CSMD1: variants seen among roughly 807,000 people sequenced by gnomAD.
CSMD1 encodes CUB and Sushi multiple domains 1.
CSMD1 carries 213 observed loss-of-function variants against 417.5 expected under a neutral mutation model. That is an observed-to-expected ratio of 0.51 (90% CI 0.46 to 0.57). The LOEUF is 0.57. CSMD1 is among the 20% of genes least tolerant of loss of function. CSMD1 has a pLI of 0.00. For synonymous variants in CSMD1, 2,862 were observed against 1,736.8 expected (o/e 1.65, Z -16.11); for missense variants, 6,923 against 4,529.7 (o/e 1.53, Z -15.17).
chr8:3,534,999 G>C (rs1162532954), intron 10 of CSMD1, among the ~76,000 whole-genome samples: 1 of 152,186 alleles, frequency 6.6e-6, no homozygotes, highest in Non-Finnish European at 1.5e-5. Context: ...CCAGGCTGGA[G>C]TGCAGTGGTG....
chr8:3,248,009 C>G (rs1341795904), intron 26 of CSMD1, among the ~76,000 whole-genome samples: 1 of 152,112 alleles, frequency 6.6e-6, no homozygotes, highest in Non-Finnish European at 1.5e-5. Context: ...TCAACATCAT[C>G]AAACCACACA....
At chr8:3,406,246 A>G in intron 14 of CSMD1, 25 bp from the exon 15 acceptor site, 3 of 1,540,974 alleles carry the variant, frequency 1.9e-6, no homozygotes, top group Non-Finnish European at 2.6e-6. Flanking sequence ...AGAAGAAAAA[A>G]GGAATAAAAA....
intron 6 of CSMD1, among the ~76,000 whole-genome samples, chr8:3,722,307 C>T (rs771284607): frequency 2.2e-4 from 33 of 152,084 alleles, no homozygotes; most frequent in African/African-American, 6.5e-4. Context: ...GACTCCATCT[C>T]AAATAAATAA....
intron 3 of CSMD1, among the ~76,000 whole-genome samples, chr8:4,120,233 C>A (rs1443094055): frequency 6.6e-6 from 1 of 152,060 alleles, no homozygotes; most frequent in Admixed American, 6.6e-5. Flanking sequence ...TGGCTGACAG[C>A]CATGACTCCT....
chr8:3,338,905 T>C (rs1388260354), intron 23 of CSMD1, among the ~76,000 whole-genome samples: 3 of 151,564 alleles, frequency 2.0e-5, no homozygotes, highest in Non-Finnish European at 2.9e-5. Flanking sequence ...TACATATGTA[T>C]ACATGTGCCA....
intron 1 of CSMD1, among the ~76,000 whole-genome samples, chr8:4,893,681 G>C (rs188809199): frequency 6.6e-6 from 1 of 152,160 alleles, no homozygotes; most frequent in East Asian, 1.9e-4. Context: ...GGTTCAAACT[G>C]TCACCTGTAC....
At chr8:3,368,478 A>G (rs1445110238) in intron 19 of CSMD1, among the ~76,000 whole-genome samples, 1 of 152,126 alleles carries the variant, frequency 6.6e-6, no homozygotes, top group Non-Finnish European at 1.5e-5. Flanking sequence ...CTGCGATTAC[A>G]GGCATGCACC....
intron 1 of CSMD1, among the ~76,000 whole-genome samples, chr8:4,779,535 A>G (rs181074938): frequency 9.8e-5 from 15 of 152,296 alleles, no homozygotes; most frequent in Admixed American, 5.9e-4. Flanking sequence ...AGGAACATTA[A>G]CCAAGGGTTA....
chr8:3,261,848 C>T (rs7821770), intron 26 of CSMD1, among the ~76,000 whole-genome samples: 1 of 151,784 alleles, frequency 6.6e-6, no homozygotes, highest in Non-Finnish European at 1.5e-5. Flanking sequence ...ATTACGAAGG[C>T]ATGCGGGCCG....
intron 1 of CSMD1, among the ~76,000 whole-genome samples, chr8:4,687,857 AC>A (rs1806492338): frequency 2.0e-5 from 3 of 151,612 alleles, no homozygotes; most frequent in Admixed American, 6.6e-5. Context: ...ACACACACAC[AC>A]ACACTCATCT....
intron 3 of CSMD1, among the ~76,000 whole-genome samples, chr8:4,310,892 T>C (rs1213970321): frequency 6.6e-6 from 1 of 152,080 alleles, no homozygotes; most frequent in Non-Finnish European, 1.5e-5. Flanking sequence ...CCAACAAGCA[T>C]ATGAAAAAAA....
At chr8:3,302,799 G>A (rs537127025) in intron 25 of CSMD1, among the ~76,000 whole-genome samples, 103 of 152,278 alleles carry the variant, frequency 6.8e-4, no homozygotes, top group Middle Eastern at 6.8e-3. Context: ...TATGTACCAT[G>A]GCAGCTGAAA....
At chr8:4,702,253 T>TAAAATA (rs1242722982) in intron 1 of CSMD1, among the ~76,000 whole-genome samples, 2 of 152,066 alleles carry the variant, frequency 1.3e-5, no homozygotes, top group Non-Finnish European at 1.5e-5. Flanking sequence ...CCCAATAACT[T>TAAAATA]AAAATAAAAA....
intron 1 of CSMD1, among the ~76,000 whole-genome samples, chr8:4,837,930 G>C (rs933291964): frequency 6.6e-6 from 1 of 152,008 alleles, no homozygotes; most frequent in African/African-American, 2.4e-5. Context: ...CTAAAAGACA[G>C]ATATAGACAC....
chr8:3,137,490 A>G (rs1343289084), intron 41 of CSMD1, among the ~76,000 whole-genome samples: 2 of 152,254 alleles, frequency 1.3e-5, no homozygotes, highest in African/African-American at 4.8e-5. Context: ...GAGGTAAAAC[A>G]GAAATGACCG....
chr8:4,116,145 C>G (rs976950541), intron 3 of CSMD1, among the ~76,000 whole-genome samples: 14 of 152,060 alleles, frequency 9.2e-5, no homozygotes, highest in Admixed American at 2.6e-4. Context: ...AGGCGCGTAC[C>G]ACCGCACCCA....
chr8:3,297,946 T>G (rs1804094992), intron 25 of CSMD1, among the ~76,000 whole-genome samples: 1 of 152,172 alleles, frequency 6.6e-6, no homozygotes, highest in African/African-American at 2.4e-5. Context: ...AGGCTTCAAC[T>G]GGCAATTAGT....
chr8:3,784,818 C>G (rs1283758225), intron 5 of CSMD1, among the ~76,000 whole-genome samples: 1 of 152,184 alleles, frequency 6.6e-6, no homozygotes, highest in Non-Finnish European at 1.5e-5. Flanking sequence ...ATTGCTTGCA[C>G]CATTTCCGCT....
chr8:4,109,983 T>A (rs913608273), intron 3 of CSMD1, among the ~76,000 whole-genome samples: 1 of 152,132 alleles, frequency 6.6e-6, no homozygotes, highest in Non-Finnish European at 1.5e-5. Flanking sequence ...AAGGACTAAC[T>A]AGAACCACAG....
Sources: allele counts gnomAD v4.1 joint callset (sites outside exome capture counted in the v4.1 genomes callset), GRCh38; gene constraint gnomAD v4.1.1; transcripts MANE v1.5; gene names NCBI Gene and HGNC (gene_info 2026-07-23, HGNC 2026-07-21).